The following PKHD1 variants were observed in gnomAD, a reference collection of about 807,000 sequenced individuals.
The protein encoded by PKHD1 is PKHD1 ciliary IPT domain containing fibrocystin/polyductin, also known as fibrocystin.
Under a neutral mutation model 412.0 loss-of-function variants are expected in PKHD1, and 291 were observed. The observed-to-expected ratio is 0.71, with a 90% confidence interval of 0.64 to 0.78. PKHD1 has a LOEUF of 0.78. PKHD1 is among the 30% of genes least tolerant of loss of function. The pLI, the probability that PKHD1 is intolerant of heterozygous loss-of-function variation, is 0.00. For missense variants in PKHD1, 4,825 were observed against 4,950.7 expected, an observed-to-expected ratio of 0.97 and a Z score of 0.76; for synonymous variants, 1,777 against 1,821.5, an observed-to-expected ratio of 0.98 and a Z score of 0.62.
At chr6:51,728,012 C>T (rs903688712) in intron 60 of PKHD1, among the ~76,000 whole-genome samples, 6 of 152,162 alleles carry the variant, frequency 3.9e-5, no homozygotes, top group Non-Finnish European at 8.8e-5. Context: ...CTGTGAATCT[C>T]AATTCCTTTT....
intron 27 of PKHD1, among the ~76,000 whole-genome samples, chr6:52,036,412 T>G (rs1044324654): frequency 6.6e-6 from 1 of 152,260 alleles, no homozygotes; most frequent in African/African-American, 2.4e-5. Flanking sequence ...GCTCCAGTTC[T>G]GCTATCATGG....
chr6:52,048,665 G>A (rs765638360), intron 22 of PKHD1, 46 bp from the exon 23 acceptor site: 1 of 1,611,324 alleles, frequency 6.2e-7, no homozygotes. Flanking sequence ...GTTGGGGTGT[G>A]CACCTAGGAG....
chr6:51,712,910 G>T (rs565218345), intron 60 of PKHD1, among the ~76,000 whole-genome samples: 1 of 152,274 alleles, frequency 6.6e-6, no homozygotes, highest in East Asian at 1.9e-4. Flanking sequence ...GGCATAATTG[G>T]ATCTTCCAAT....
intron 27 of PKHD1, among the ~76,000 whole-genome samples, chr6:52,039,092 C>T (rs994138690): frequency 1.2e-4 from 18 of 152,128 alleles, no homozygotes; most frequent in African/African-American, 4.3e-4. Context: ...AGCATTTCTA[C>T]AAAGATGTAT....
intron 35 of PKHD1, among the ~76,000 whole-genome samples, chr6:52,007,266 A>G (rs1414685010): frequency 6.6e-6 from 1 of 152,178 alleles, no homozygotes; most frequent in Non-Finnish European, 1.5e-5. Flanking sequence ...GAATCTCCAC[A>G]CTGTTATCCA....
chr6:51,925,438 C>CGTGT (rs537973238), intron 37 of PKHD1, among the ~76,000 whole-genome samples: 20,926 of 147,066 alleles, frequency 0.14, 1,751 homozygotes, highest in Non-Finnish European at 0.2. Context: ...AATTGTTCTT[C>CGTGT]GTGTGTGTGT....
chr6:51,741,214 A>T (rs1412733295), intron 60 of PKHD1: 1 of 518,618 alleles, frequency 1.9e-6, no homozygotes, highest in African/African-American at 1.9e-5. Flanking sequence ...CACTCTTATG[A>T]TTAAACATGG....
rs1480612523 is a variant in PKHD1 at position 51,836,537 on chromosome 6, TGAGAA to T, written c.8108-73_8108-69del. 1.6e-5 allele frequency: 18 copies of T among 1,125,730 alleles called. No individual in the cohort carries two copies. In the African/African-American group the frequency reaches 2.8e-4, roughly 17 times the overall value. 69.7% of individuals were successfully genotyped at this position (1,125,730 alleles called of 1,614,324 possible). ...TCTTAATATTAAAGACAGTCACACG[TGAGAA>T]AAGAAGAATTTATGCTAAATTCTAG... is the stretch of plus-strand genomic sequence containing the variant. On this transcript the variant is annotated intron_variant, in intron 50 of 66. Transcript: ENST00000371117.
chr6:51,769,261 A>G (rs868271094), intron 55 of PKHD1, among the ~76,000 whole-genome samples: 2 of 151,548 alleles, frequency 1.3e-5, no homozygotes, highest in African/African-American at 2.4e-5. Context: ...TTGGAAGAAC[A>G]TGGTATAAAT....
chr6:51,750,456 T>C (rs1473594127), intron 57 of PKHD1, among the ~76,000 whole-genome samples: 2 of 152,150 alleles, frequency 1.3e-5, no homozygotes, highest in East Asian at 3.8e-4. Context: ...GTCAGTATTA[T>C]TGTTATTTCC....
chr6:51,792,363 T>G (rs1793891049), intron 52 of PKHD1, among the ~76,000 whole-genome samples: 1 of 152,236 alleles, frequency 6.6e-6, no homozygotes, highest in African/African-American at 2.4e-5. Context: ...GGAATTCTTT[T>G]GTTAGTATAA....
At chr6:51,881,802 G>C (rs1226402251) in intron 46 of PKHD1, among the ~76,000 whole-genome samples, 2 of 152,040 alleles carry the variant, frequency 1.3e-5, no homozygotes, top group Non-Finnish European at 2.9e-5. Context: ...TTATGATTTG[G>C]ATAACTAACC....
In PKHD1 at chr6:51,906,225, C is replaced by G; in HGVS notation, c.6798G>C (p.Ala2266=). The change falls in exon 41 of 67, where the codon GCG becomes GCC. Residue 2266 remains alanine (A), a synonymous_variant. Coordinates refer to ENST00000371117, the MANE Select transcript of PKHD1 (RefSeq NM_138694.4). ...SNVFYNILGH[A]LLVGTCTEMR... The stretch of plus-strand genomic sequence containing the variant: ...GCTTGTTTTACTTACCAACTAGCAG[C>G]GCATGACCTAAAATATTGTAGAATA... 1 of 1,611,820 alleles carries G rather than the reference C, an allele frequency of 6.2e-7. No individual in the cohort carries two copies. The highest frequency in any genetic ancestry group is 8.5e-7 in the Non-Finnish European group (1 of 1,178,232).
intron 48 of PKHD1, among the ~76,000 whole-genome samples, chr6:51,867,123 A>G (rs748297537): frequency 2.6e-4 from 39 of 152,164 alleles, no homozygotes; most frequent in Non-Finnish European, 4.6e-4. Context: ...GAATTACTTG[A>G]CTTAATACTC....
At chr6:51,799,964 A>G (rs1762653899) in intron 52 of PKHD1, among the ~76,000 whole-genome samples, 1 of 152,170 alleles carries the variant, frequency 6.6e-6, no homozygotes, top group Admixed American at 6.6e-5. Flanking sequence ...CTATCCTGTC[A>G]GTGACCAATC....
chr6:51,927,784 AT>A (rs945310123), intron 37 of PKHD1, among the ~76,000 whole-genome samples: 3 of 152,156 alleles, frequency 2.0e-5, no homozygotes, highest in Non-Finnish European at 2.9e-5. Context: ...TTTCATGTGG[AT>A]TTGTAAGTTT....
intron 61 of PKHD1, 50 bp from the exon 62 acceptor site, chr6:51,649,270 C>T (rs750150588): frequency 1.4e-6 from 2 of 1,402,302 alleles, no homozygotes; most frequent in Non-Finnish European, 2.0e-6. Flanking sequence ...TACACATATC[C>T]CTATGGTAGC....
intron 39 of PKHD1, among the ~76,000 whole-genome samples, chr6:51,911,403 A>G (rs999518265): frequency 2.6e-5 from 4 of 152,142 alleles, no homozygotes; most frequent in African/African-American, 9.6e-5. Context: ...GAGCCCTACA[A>G]GTCTAATCAG....
At chr6:51,978,380 T>C (rs1262204029) in intron 35 of PKHD1, among the ~76,000 whole-genome samples, 1 of 152,212 alleles carries the variant, frequency 6.6e-6, no homozygotes, top group African/African-American at 2.4e-5. Flanking sequence ...CTTTGAAGAC[T>C]ACCTCAGCCA....
Sources: allele counts gnomAD v4.1 joint callset (sites outside exome capture counted in the v4.1 genomes callset), GRCh38; gene constraint gnomAD v4.1.1; transcripts MANE v1.5; gene names NCBI Gene and HGNC (gene_info 2026-07-23, HGNC 2026-07-21).